The following TMEM182 variants were observed in gnomAD, a reference collection of about 807,000 sequenced individuals.
The protein encoded by TMEM182 is transmembrane protein 182.
Under a neutral mutation model 26.8 loss-of-function variants are expected in TMEM182, and 20 were observed. The ratio of observed to expected loss-of-function variants is 0.75; its 90% confidence interval spans 0.53 to 1.09. The LOEUF is 1.09. Among genes scored for constraint, TMEM182 ranks in the 50% least tolerant of loss-of-function variants. The probability of loss-of-function intolerance (pLI) is 0.00; values close to 1 mark genes in which losing one functional copy is unlikely to be tolerated. For synonymous variants in TMEM182, 109 were observed against 102.2 expected (o/e 1.07, Z -0.40); for missense variants, 277 against 275.5 (o/e 1.01, Z -0.04).
intron 3 of TMEM182, among the ~76,000 whole-genome samples, chr2:102,790,683 A>G (rs1178963429): frequency 6.6e-6 from 1 of 152,158 alleles, no homozygotes; most frequent in Non-Finnish European, 1.5e-5. Flanking sequence ...TTTTTAACAG[A>G]CATTTCCCTG....
intron 3 of TMEM182, among the ~76,000 whole-genome samples, chr2:102,790,272 C>T (rs975967235): frequency 6.6e-5 from 10 of 152,312 alleles, no homozygotes; most frequent in Non-Finnish European, 1.2e-4. Context: ...CTCTTAGAGG[C>T]CCCTGATGAG....
At chr2:102,805,491 C>T (rs779460101) in intron 4 of TMEM182, among the ~76,000 whole-genome samples, 3 of 152,110 alleles carry the variant, frequency 2.0e-5, no homozygotes, top group African/African-American at 4.8e-5. Flanking sequence ...TTCTGGTTCA[C>T]GGTCTAACAC....
chr2:102,783,451 G>T (rs1681257289), intron 3 of TMEM182, among the ~76,000 whole-genome samples: 1 of 152,166 alleles, frequency 6.6e-6, no homozygotes, highest in Admixed American at 6.5e-5. Flanking sequence ...AAGGGGGTTG[G>T]TTAAGTGACT....
intron 4 of TMEM182, among the ~76,000 whole-genome samples, chr2:102,804,196 G>A (rs1326041815): frequency 6.6e-6 from 1 of 151,498 alleles, no homozygotes; most frequent in African/African-American, 2.4e-5. Context: ...TGGGGTACTG[G>A]TGGTGTTTGG....
intron 1 of TMEM182, among the ~76,000 whole-genome samples, chr2:102,756,822 C>CT (rs111865205): frequency 0.32 from 47,520 of 150,632 alleles, 8,298 homozygotes; most frequent in African/African-American, 0.48. Flanking sequence ...TTCTTTTTTC[C>CT]TTTTTTTTTG....
chr2:102,808,247 G>T (rs1036219066), intron 4 of TMEM182, among the ~76,000 whole-genome samples: 5 of 152,148 alleles, frequency 3.3e-5, no homozygotes, highest in Admixed American at 6.5e-5. Context: ...AGGATGGGTT[G>T]TGTTCTAGGT....
chr2:102,770,737 G>A (rs891372485), intron 3 of TMEM182, among the ~76,000 whole-genome samples: 2 of 152,134 alleles, frequency 1.3e-5, no homozygotes, highest in Non-Finnish European at 2.9e-5. Context: ...CCAACACTGC[G>A]GCTTGGAATA....
chr2:102,804,680 A>G (rs552724254), intron 4 of TMEM182, among the ~76,000 whole-genome samples: 108 of 152,284 alleles, frequency 7.1e-4, no homozygotes, highest in African/African-American at 2.5e-3. Flanking sequence ...AGGAAACCGA[A>G]TATTTTACCT....
At chr2:102,797,056 C>T (rs981534635) in intron 3 of TMEM182, among the ~76,000 whole-genome samples, 2 of 152,142 alleles carry the variant, frequency 1.3e-5, no homozygotes, top group African/African-American at 2.4e-5. Context: ...CAAAAATGAT[C>T]GTTAGAATTC....
chr2:102,795,918 C>T (rs1174230768), intron 3 of TMEM182, among the ~76,000 whole-genome samples: 1 of 152,128 alleles, frequency 6.6e-6, no homozygotes, highest in Admixed American at 6.5e-5. Context: ...ATTCCTCCCT[C>T]CTCTTTGCAC....
intron 4 of TMEM182, among the ~76,000 whole-genome samples, chr2:102,802,743 T>C (rs760408183): frequency 6.6e-6 from 1 of 152,178 alleles, no homozygotes; most frequent in Non-Finnish European, 1.5e-5. Flanking sequence ...ACACAGCAAT[T>C]TCTGTATGTC....
At chr2:102,762,471 G>A in intron 1 of TMEM182, 116 bp from the exon 2 acceptor site, 1 of 1,522,644 alleles carries the variant, frequency 6.6e-7, no homozygotes, top group Non-Finnish European at 8.9e-7. Context: ...TATGTAGAAA[G>A]CTACTGAGCT....
intron 4 of TMEM182, among the ~76,000 whole-genome samples, chr2:102,801,841 G>A (rs1682154511): frequency 6.6e-6 from 1 of 152,222 alleles, no homozygotes; most frequent in African/African-American, 2.4e-5. Flanking sequence ...TCTGGGATAA[G>A]TCAGCCTAAT....
intron 3 of TMEM182, among the ~76,000 whole-genome samples, chr2:102,768,875 C>T (rs1680566824): frequency 6.6e-6 from 1 of 151,814 alleles, no homozygotes; most frequent in South Asian, 2.1e-4. Flanking sequence ...TGTGAGGCTA[C>T]AAGCAGGGAG....
At chr2:102,772,219 G>C (rs140716273) in intron 3 of TMEM182, among the ~76,000 whole-genome samples, 3 of 152,288 alleles carry the variant, frequency 2.0e-5, no homozygotes, top group East Asian at 1.9e-4. Context: ...TCTTAGGAGA[G>C]AGCATCAACT....
intron 3 of TMEM182, among the ~76,000 whole-genome samples, chr2:102,838,896 G>T (rs1394169243): frequency 1.3e-5 from 2 of 152,138 alleles, no homozygotes; most frequent in African/African-American, 4.8e-5. Flanking sequence ...AAAAATAAAG[G>T]AATGAGAGAG....
chr2:102,774,596 T>C (rs1348335901), intron 3 of TMEM182, among the ~76,000 whole-genome samples: 2 of 152,144 alleles, frequency 1.3e-5, no homozygotes, highest in African/African-American at 4.8e-5. Context: ...AAAAGTTTTA[T>C]GAATTACGCT....
intron 3 of TMEM182, among the ~76,000 whole-genome samples, chr2:102,779,632 A>AT (rs1182800605): frequency 6.6e-6 from 1 of 151,694 alleles, no homozygotes; most frequent in Non-Finnish European, 1.5e-5. Flanking sequence ...TAATGTTTTC[A>AT]TTTTAGTAAT....
chr2:102,773,241 A>T (rs1680757043), intron 3 of TMEM182, among the ~76,000 whole-genome samples: 1 of 151,888 alleles, frequency 6.6e-6, no homozygotes, highest in African/African-American at 2.4e-5. Flanking sequence ...CAGGGGGCTG[A>T]CATTTGGGTG....
Sources: gnomAD v4.1 joint callset for allele counts (sites outside exome capture counted in the v4.1 genomes callset) on GRCh38, gnomAD v4.1.1 for gene constraint, MANE v1.5 for transcripts, NCBI Gene and HGNC (gene_info 2026-07-23, HGNC 2026-07-21) for gene names.